Variants in AHCYL2 observed in about 807,000 individuals in gnomAD.
AHCYL2 encodes the protein S-adenosylhomocysteine hydrolase-like protein 2.
AHCYL2 carries 28 observed loss-of-function variants against 81.4 expected under a neutral mutation model. That is an observed-to-expected ratio of 0.34 (90% CI 0.25 to 0.47). The LOEUF (loss-of-function observed/expected upper bound fraction) is 0.47, where lower values mean the gene tolerates loss of function less well. Among genes scored for constraint, AHCYL2 ranks in the 20% least tolerant of loss-of-function variants. The probability of loss-of-function intolerance (pLI) is 1.00; values close to 1 mark genes in which losing one functional copy is unlikely to be tolerated. For synonymous variants in AHCYL2, 272 were observed against 290.2 expected (o/e 0.94, Z 0.64); for missense variants, 551 against 785.1 (o/e 0.70, Z 3.56).
chr7:129,292,777 A>G (rs1796913389), intron 1 of AHCYL2, among the ~76,000 whole-genome samples: 1 of 152,006 alleles, frequency 6.6e-6, no homozygotes, highest in Admixed American at 6.6e-5. Context: ...AAAAAAAAAA[A>G]CAAAGAAAGT....
At chr7:129,319,086 C>T (rs1411260801) in intron 1 of AHCYL2, among the ~76,000 whole-genome samples, 2 of 151,936 alleles carry the variant, frequency 1.3e-5, no homozygotes, top group Non-Finnish European at 2.9e-5. Flanking sequence ...CAAGAATAAT[C>T]CAGTAGAAAT....
chr7:129,377,553 G>A (rs377535556), intron 1 of AHCYL2: 7 of 456,546 alleles, frequency 1.5e-5, no homozygotes, highest in South Asian at 4.6e-5. Flanking sequence ...AAGTGGAGCC[G>A]TCAGTTCCTG....
intron 1 of AHCYL2, among the ~76,000 whole-genome samples, chr7:129,363,505 TA>T (rs766288664): frequency 1.3e-5 from 2 of 152,162 alleles, no homozygotes; most frequent in Admixed American, 6.5e-5. Flanking sequence ...AAGTCATAAC[TA>T]AAAACAACAC....
Position 129,338,223 on chromosome 7 carries a change from A to T in AHCYL2, c.364-41415A>T, listed in dbSNP as rs562907756. 9.2e-5 allele frequency among the ~76,000 whole-genome samples: 14 copies of T among 151,856 alleles called. No individual in the cohort carries two copies. The South Asian group carries it at 2.9e-3, about 32-fold the overall frequency. On this transcript the variant is annotated intron_variant, in intron 1 of 16. Transcript: ENST00000325006. ...TGTCACTCAGGCTGGAGTTCAGCTT[A>T]CTATAACCTAGAACTCCTTGGCTCA...
At chr7:129,299,081 G>A (rs1263147387) in intron 1 of AHCYL2, among the ~76,000 whole-genome samples, 1 of 152,042 alleles carries the variant, frequency 6.6e-6, no homozygotes, top group Non-Finnish European at 1.5e-5. Context: ...CAATTTCCAT[G>A]TGCCATGATA....
intron 1 of AHCYL2, among the ~76,000 whole-genome samples, chr7:129,242,021 T>C (rs1794876594): frequency 2.0e-5 from 3 of 152,192 alleles, no homozygotes; most frequent in East Asian, 3.8e-4. Context: ...TCTTTATCAG[T>C]ATCAATTGTA....
intron 1 of AHCYL2, among the ~76,000 whole-genome samples, chr7:129,317,081 A>G (rs1297974827): frequency 1.3e-5 from 2 of 152,234 alleles, no homozygotes; most frequent in African/African-American, 4.8e-5. Context: ...TGATTCACTT[A>G]GAGACAGTTC....
intron 12 of AHCYL2, 85 bp from the exon 13 acceptor site, chr7:129,422,755 A>G (rs574506923): frequency 9.9e-6 from 12 of 1,217,330 alleles, no homozygotes; most frequent in South Asian, 6.6e-5. Context: ...TCAACCTGCT[A>G]TTTGAAATGG....
At chr7:129,271,188 C>T (rs947181534) in intron 1 of AHCYL2, among the ~76,000 whole-genome samples, 27 of 151,572 alleles carry the variant, frequency 1.8e-4, no homozygotes, top group Admixed American at 1.8e-3. Context: ...GGTGAAATCC[C>T]GTTTCTACTA....
At chr7:129,378,887 A>G (rs1019149899) in intron 1 of AHCYL2, among the ~76,000 whole-genome samples, 4 of 152,214 alleles carry the variant, frequency 2.6e-5, no homozygotes, top group African/African-American at 9.7e-5. Flanking sequence ...ACTGTATAAA[A>G]TATTTCTGAA....
intron 1 of AHCYL2, among the ~76,000 whole-genome samples, chr7:129,287,222 T>A (rs904045999): frequency 7.9e-5 from 12 of 152,152 alleles, no homozygotes; most frequent in African/African-American, 2.7e-4. Flanking sequence ...ACAAATATAA[T>A]CTTAGGGTTA....
At chr7:129,237,990 G>A (rs568576546) in intron 1 of AHCYL2, among the ~76,000 whole-genome samples, 1 of 152,202 alleles carries the variant, frequency 6.6e-6, no homozygotes, top group South Asian at 2.1e-4. Context: ...AAAGTGCTGG[G>A]ATTACAGATG....
rs891700245 is a variant in AHCYL2 at position 129,293,650 on chromosome 7, A to C, written c.363+68211A>C. Among the ~76,000 whole-genome samples the C allele has an allele frequency of 6.6e-5, 10 of 152,056 alleles. 1 individual carries two copies. In the East Asian group the frequency reaches 1.5e-3, roughly 24 times the overall value. On this transcript the variant is annotated intron_variant, in intron 1 of 16. Coordinates refer to ENST00000325006, the MANE Select transcript of AHCYL2 (RefSeq NM_015328.4). Reference sequence around the variant, plus strand: ...TCAAACCCCTCCCCCTAAAAAAAAAACCCCAAAAACTTATTTGAGGAAACC... The same window carrying C: ...TCAAACCCCTCCCCCTAAAAAAAAACCCCCAAAAACTTATTTGAGGAAACC...
In AHCYL2 at chr7:129,225,266, G is replaced by A. The variant is rs1415952983; in HGVS notation, c.190G>A (p.Gly64Ser). The change falls in exon 1 of 17, where the codon GGC (glycine) becomes AGC (serine). Residue 64 changes from glycine to serine, a missense_variant. Physicochemically the swap from Gly to Ser is moderately conservative, Grantham distance 56 (BLOSUM62 0). Transcript: ENST00000325006. Reference protein sequence around the residue: ...APAAERPPVPGPGSGPAAALS... With the variant: ...APAAERPPVPSPGSGPAAALS... ...CGCCGCGGAGCGGCCCCCGGTCCCCGGCCCGGGCTCGGGGCCCGCCGCCGC... is the reference window on the plus strand; with the variant it reads ...CGCCGCGGAGCGGCCCCCGGTCCCCAGCCCGGGCTCGGGGCCCGCCGCCGC... The A allele has an allele frequency of 1.4e-6, 2 of 1,451,558 alleles. No individual in the cohort carries two copies. The highest frequency in any genetic ancestry group is 1.8e-6 in the Non-Finnish European group (2 of 1,111,334). 89.9% of individuals were successfully genotyped at this position (1,451,558 alleles called of 1,614,324 possible). A position where few individuals can be genotyped will look rare whatever the true frequency, so the allele number is the denominator to read the frequency against.
At chr7:129,386,658 G>T (rs990560218) in intron 2 of AHCYL2, among the ~76,000 whole-genome samples, 10 of 152,080 alleles carry the variant, frequency 6.6e-5, no homozygotes, top group South Asian at 2.1e-4. Context: ...AAATTGGAAT[G>T]CTTCTCTTAA....
At chr7:129,247,603 C>CTT (rs35801870) in intron 1 of AHCYL2, among the ~76,000 whole-genome samples, 3 of 150,230 alleles carry the variant, frequency 2.0e-5, no homozygotes, top group South Asian at 2.1e-4. Flanking sequence ...ATAGATTGTA[C>CTT]TTTTTTTTTC....
intron 12 of AHCYL2, among the ~76,000 whole-genome samples, chr7:129,420,007 C>T (rs1797039849): frequency 6.6e-6 from 1 of 152,106 alleles, no homozygotes; most frequent in Non-Finnish European, 1.5e-5. Flanking sequence ...GCTGACTAGG[C>T]CTTAATAGGC....
chr7:129,307,356 A>T (rs1044109231), intron 1 of AHCYL2, among the ~76,000 whole-genome samples: 4 of 151,986 alleles, frequency 2.6e-5, no homozygotes, highest in African/African-American at 7.2e-5. Flanking sequence ...CCCTTTCCCC[A>T]GGCAGAGGAG....
In AHCYL2 at chr7:129,225,200, G is replaced by C; in HGVS notation, c.124G>C (p.Ala42Pro). 6.4e-7 allele frequency: 1 copy of C among 1,551,422 alleles called. No homozygotes were observed. The highest frequency in any genetic ancestry group is 8.7e-7 in the Non-Finnish European group (1 of 1,154,694). ...GLSTAAVGAM[A>P]PPAGGGDPEA... The stretch of plus-strand genomic sequence containing the variant: ...GAGCACGGCCGCCGTGGGCGCCATG[G>C]CCCCCCCGGCGGGCGGTGGAGACCC... Residue 42 changes from alanine to proline, a missense_variant, in exon 1 of 17, where the codon GCC (alanine) becomes CCC (proline). By Grantham distance (27) the Ala-to-Pro change is conservative. Around this residue, in one of 2 missense-constraint regions of AHCYL2, gnomAD observed 235 missense variants for 242.1 expected, o/e 0.97. Coordinates refer to ENST00000325006, the MANE Select transcript of AHCYL2 (RefSeq NM_015328.4).
Sources: gnomAD v4.1 joint callset for allele counts (sites outside exome capture counted in the v4.1 genomes callset) on GRCh38, gnomAD v4.1.1 for gene constraint, gnomAD v4.1.1 regional missense constraint, MANE v1.5 for transcripts, NCBI Gene and HGNC (gene_info 2026-07-23, HGNC 2026-07-21) for gene names.